Variants in AFF2 observed in about 807,000 individuals in gnomAD.
AFF2 encodes ALF transcription elongation factor 2.
Under a neutral mutation model 76.9 loss-of-function variants are expected in AFF2, and 14 were observed. The ratio of observed to expected loss-of-function variants is 0.18; its 90% CI spans 0.12 to 0.28. The LOEUF (loss-of-function observed/expected upper bound fraction) is 0.28. AFF2 is among the 10% of genes least tolerant of loss of function. AFF2 has a pLI of 1.00. For missense variants in AFF2, 868 were observed against 1,001.1 expected, an observed-to-expected ratio of 0.87 and a Z score of 1.79; for synonymous variants, 398 against 366.7, an observed-to-expected ratio of 1.09 and a Z score of -0.98.
At chrX:148,960,367 T>C (rs2072094712) in intron 12 of AFF2, among the ~76,000 whole-genome samples, 1 of 112,703 alleles carries the variant, frequency 8.9e-6, no homozygotes, top group Admixed American at 9.4e-5. Context: ...CTATGCCTGC[T>C]TGGCTGCAGC....
At chrX:148,943,762 AT>A (rs781829166) in intron 9 of AFF2, among the ~76,000 whole-genome samples, 1 of 112,150 alleles carries the variant, frequency 8.9e-6, no homozygotes, top group African/African-American at 3.2e-5. Flanking sequence ...CCTCCCTGAG[AT>A]TTATAGAGAA....
chrX:148,923,370 T>G (rs782495344), intron 9 of AFF2, among the ~76,000 whole-genome samples: 1 of 111,937 alleles, frequency 8.9e-6, no homozygotes, highest in Admixed American at 9.5e-5. Context: ...AATGATTTGC[T>G]TTTGAACCTC....
At chrX:148,683,601 G>A (rs1468642530) in intron 3 of AFF2, among the ~76,000 whole-genome samples, 1 of 111,622 alleles carries the variant, frequency 9.0e-6, no homozygotes, top group East Asian at 2.8e-4. Flanking sequence ...GTCTTACAGG[G>A]GAGACATGTC....
At chrX:148,784,556 A>G (rs1447894453) in intron 3 of AFF2, among the ~76,000 whole-genome samples, 2 of 111,701 alleles carry the variant, frequency 1.8e-5, no homozygotes, top group African/African-American at 6.5e-5. Flanking sequence ...AGCGTTCCCC[A>G]GTACCTAATG....
At chrX:148,595,499 AATAG>A (rs2053563519) in intron 1 of AFF2, among the ~76,000 whole-genome samples, 1 of 112,149 alleles carries the variant, frequency 8.9e-6, no homozygotes, top group Admixed American at 9.5e-5. Context: ...AAGAAAATGA[AATAG>A]ATAGCTAATG....
At chrX:148,906,745 C>T (rs1420819700) in intron 9 of AFF2, among the ~76,000 whole-genome samples, 2 of 111,426 alleles carry the variant, frequency 1.8e-5, no homozygotes, top group African/African-American at 6.5e-5. Flanking sequence ...ATGTTTGTTC[C>T]GGCTCAAGCT....
At chrX:148,773,834 G>A (rs1429483769) in intron 3 of AFF2, among the ~76,000 whole-genome samples, 6 of 111,388 alleles carry the variant, frequency 5.4e-5, no homozygotes, top group African/African-American at 1.6e-4. Flanking sequence ...TTAAAGCTGG[G>A]AAGAAGAGGA....
chrX:148,935,086 T>C (rs2071757883), intron 9 of AFF2, among the ~76,000 whole-genome samples: 1 of 109,783 alleles, frequency 9.1e-6, no homozygotes, highest in Non-Finnish European at 1.9e-5. Flanking sequence ...TTACTGGCTG[T>C]GATACCTTGG....
chrX:148,592,256 A>C (rs1213734985), intron 1 of AFF2, among the ~76,000 whole-genome samples: 2 of 111,816 alleles, frequency 1.8e-5, no homozygotes, highest in Non-Finnish European at 3.8e-5. Flanking sequence ...CAGGATTAGC[A>C]GGTGAGAATC....
chrX:148,858,795 A>G (rs2070814683), intron 7 of AFF2, among the ~76,000 whole-genome samples: 1 of 110,227 alleles, frequency 9.1e-6, no homozygotes, highest in Admixed American at 9.8e-5. Flanking sequence ...AGAAAGGTAT[A>G]TATGTTCTCA....
In AFF2 at chrX:148,999,098, A is replaced by C. The variant is rs1971017656; in HGVS notation, c.*7766A>C. On this transcript the variant is annotated 3_prime_UTR_variant, in exon 21 of 21. Transcript: ENST00000370460. ...AGTTTTTTCAAAAGAGCACTTTAAT[A>C]ATATCCTCTGAGACCTAATGCAGTT... 9.0e-6 allele frequency: 1 copy of C among 111,589 alleles called. No homozygotes were observed. The highest frequency in any genetic ancestry group is 9.5e-5 in the Admixed American group (1 of 10,492). 9.2% of individuals were successfully genotyped at this position (111,589 alleles called of 1,213,427 possible).
intron 12 of AFF2, among the ~76,000 whole-genome samples, chrX:148,961,791 A>G (rs2072112018): frequency 8.8e-6 from 1 of 113,038 alleles, no homozygotes; most frequent in African/African-American, 3.2e-5. Flanking sequence ...GTAGTCAATA[A>G]TCATGAAAAG....
intron 9 of AFF2, among the ~76,000 whole-genome samples, chrX:148,915,713 C>T (rs1310780218): frequency 8.9e-6 from 1 of 112,527 alleles, no homozygotes; most frequent in Non-Finnish European, 1.9e-5. Context: ...ACTTCCAACA[C>T]TGGCTAGGTG....
intron 3 of AFF2, among the ~76,000 whole-genome samples, chrX:148,723,817 G>A (rs2055122315): frequency 9.0e-6 from 1 of 111,411 alleles, no homozygotes; most frequent in African/African-American, 3.3e-5. Flanking sequence ...TGAAAAAGAG[G>A]CCTTCCAGCT....
At chrX:148,796,866 T>A (rs1347704198) in intron 3 of AFF2, among the ~76,000 whole-genome samples, 1 of 112,392 alleles carries the variant, frequency 8.9e-6, no homozygotes, top group Non-Finnish European at 1.9e-5. Context: ...TCACTACCAT[T>A]TAGCAATAAC....
chrX:148,653,830 T>C (rs187880916), intron 2 of AFF2, among the ~76,000 whole-genome samples: 5 of 111,898 alleles, frequency 4.5e-5, no homozygotes, highest in African/African-American at 1.3e-4. Flanking sequence ...GAACAAGTTT[T>C]GTTCAGGAGG....
chrX:148,774,571 G>A (rs1322250719), intron 3 of AFF2, among the ~76,000 whole-genome samples: 4 of 110,634 alleles, frequency 3.6e-5, no homozygotes, highest in South Asian at 7.7e-4. Flanking sequence ...GTGTTTCCCC[G>A]GAGATATACA....
chrX:148,565,784 C>T (rs1603244097), intron 1 of AFF2, among the ~76,000 whole-genome samples: 1 of 110,908 alleles, frequency 9.0e-6, no homozygotes. Context: ...AGCCAGTTAA[C>T]GTGTCTTTGA....
intron 3 of AFF2, among the ~76,000 whole-genome samples, chrX:148,797,234 A>G (rs782553836): frequency 5.4e-5 from 6 of 111,980 alleles, no homozygotes; most frequent in Non-Finnish European, 9.4e-5. Flanking sequence ...GACTTAACAG[A>G]CACGAGTCAC....
Sources: allele counts gnomAD v4.1 joint callset (sites outside exome capture counted in the v4.1 genomes callset), GRCh38; gene constraint gnomAD v4.1.1; transcripts MANE v1.5; gene names NCBI Gene and HGNC (gene_info 2026-07-23, HGNC 2026-07-21).